The following WDR25 variants were observed in gnomAD, a reference collection of about 807,000 sequenced individuals.
The protein encoded by WDR25 is WD repeat-containing protein 25.
Under a neutral mutation model 47.7 loss-of-function variants are expected in WDR25, and 35 were observed. That is an observed-to-expected ratio of 0.73 (90% CI 0.56 to 0.97). The LOEUF (loss-of-function observed/expected upper bound fraction) is 0.97, where lower values mean the gene tolerates loss of function less well. WDR25 is among the 50% of genes least tolerant of loss of function. WDR25 has a pLI of 0.00. For synonymous variants in WDR25, 248 were observed against 278.9 expected, an observed-to-expected ratio of 0.89 and a Z score of 1.10; for missense variants, 634 against 704.7, an observed-to-expected ratio of 0.90 and a Z score of 1.14.
At chr14:100,526,191 G>A (rs528115805) in intron 5 of WDR25, 151 bp downstream of exon 5, 62 of 998,198 alleles carry the variant, frequency 6.2e-5, no homozygotes, top group African/African-American at 6.0e-4. Context: ...TCAGCCTGCC[G>A]CACACATGGA....
chr14:100,422,629 C>T lies in WDR25; in HGVS notation c.822+40883C>T, dbSNP rs73343585. Among the ~76,000 whole-genome samples the T allele has an allele frequency of 4.8e-3, 737 of 152,352 alleles. 10 individuals carry two copies. Among genetic ancestry groups the T allele is most frequent in the African/African-American group, 0.017 (689 of 41,590 alleles). ...GCCTTCATGATGGCCCTCTTTGACG[C>T]GACCACATGTTGCCAGCTTCCCCTC... On this transcript the variant is annotated intron_variant, in intron 2 of 6. Coordinates refer to ENST00000402312, the MANE Select transcript of WDR25 (RefSeq NM_001161476.3).
intron 2 of WDR25, among the ~76,000 whole-genome samples, chr14:100,452,475 G>C (rs563921856): frequency 6.6e-6 from 1 of 152,326 alleles, no homozygotes; most frequent in Non-Finnish European, 1.5e-5. Context: ...GCAGTGTTTA[G>C]ATCGTGTGGT....
In WDR25 at chr14:100,526,036, T is replaced by G; in HGVS notation, c.1268T>G (p.Phe423Cys). 6.2e-7 allele frequency: 1 copy of G among 1,614,066 alleles called. No individual in the cohort carries two copies. Among genetic ancestry groups the G allele is most frequent in the Non-Finnish European group, 8.5e-7 (1 of 1,179,962 alleles). Residue 423 changes from phenylalanine to cysteine, a missense_variant, in exon 5 of 7, where the codon TTC becomes TGC. Coordinates refer to ENST00000402312, the MANE Select transcript of WDR25 (RefSeq NM_001161476.3). ...TCTGCCAAAATCTCCAACCAGATTT[T>G]CCACGTAAGAAATCCCATTTGGCAT... ...RTSAKISNQI[F>C]HERFTCPSLA...
chr14:100,410,023 T>C (rs903619396), intron 2 of WDR25, among the ~76,000 whole-genome samples: 1 of 152,186 alleles, frequency 6.6e-6, no homozygotes, highest in African/African-American at 2.4e-5. Context: ...GTTTTAATTG[T>C]TTTCAGTAGC....
intron 2 of WDR25, among the ~76,000 whole-genome samples, chr14:100,452,237 C>T (rs1899059326): frequency 6.6e-6 from 1 of 152,184 alleles, no homozygotes; most frequent in Non-Finnish European, 1.5e-5. Context: ...TGCCGTCACT[C>T]ACTCAAGAGA....
chr14:100,446,297 G>A lies in WDR25; in HGVS notation c.823-21724G>A, dbSNP rs190425787. ...GGGCTGGTCGTGGTGGCTCATGCCT[G>A]TAATCCTAGCACTTTGGGAGGCCAA... is the stretch of plus-strand genomic sequence containing the variant. On this transcript the variant is annotated intron_variant, in intron 2 of 6. Transcript: ENST00000402312. 6.6e-5 allele frequency among the ~76,000 whole-genome samples: 10 copies of A among 152,316 alleles called. No homozygotes were observed. In the South Asian group the frequency reaches 1.0e-3, roughly 16 times the overall value.
At chr14:100,401,484 C>T (rs1193704942) in intron 2 of WDR25, among the ~76,000 whole-genome samples, 3 of 152,150 alleles carry the variant, frequency 2.0e-5, no homozygotes, top group Non-Finnish European at 4.4e-5. Flanking sequence ...TGCCCATGTC[C>T]CCAGGAGGCA....
In WDR25 at chr14:100,380,949, A is replaced by G; in HGVS notation, c.25A>G (p.Met9Val). The G allele has an allele frequency of 6.2e-7, 1 of 1,613,864 alleles. No homozygotes were observed. Among genetic ancestry groups the G allele is most frequent in the Non-Finnish European group, 8.5e-7 (1 of 1,179,766 alleles). Residue 9 changes from methionine (M) to valine (V), a missense_variant, in exon 2 of 7, where the codon ATG (methionine) becomes GTG (valine). Coordinates refer to ENST00000402312, the MANE Select transcript of WDR25 (RefSeq NM_001161476.3). ...AATGACAGCAAGAACTCTGTCTTTA[A>G]TGGCTTCATTGGTAGCGTATGATGA... MTARTLSL[M>V]ASLVAYDDSD...
chr14:100,397,191 C>T (rs1000909737), intron 2 of WDR25, among the ~76,000 whole-genome samples: 4 of 152,280 alleles, frequency 2.6e-5, no homozygotes, highest in South Asian at 4.1e-4. Context: ...TCCAGCAATG[C>T]TGTTGTCAAG....
intron 2 of WDR25, among the ~76,000 whole-genome samples, chr14:100,400,768 C>T (rs1019792441): frequency 6.6e-6 from 1 of 152,128 alleles, no homozygotes; most frequent in East Asian, 1.9e-4. Flanking sequence ...ATTGCCCTTT[C>T]AGTCGTGAAT....
At chr14:100,457,113 C>T (rs1251014254) in intron 2 of WDR25, among the ~76,000 whole-genome samples, 16 of 152,066 alleles carry the variant, frequency 1.1e-4, no homozygotes, top group African/African-American at 1.7e-4. Flanking sequence ...CCTGTCACCA[C>T]GCCTAGCTAA....
At chr14:100,416,289 T>C (rs1025665499) in intron 2 of WDR25, among the ~76,000 whole-genome samples, 1 of 152,236 alleles carries the variant, frequency 6.6e-6, no homozygotes. Flanking sequence ...TAATCGTAGA[T>C]GCCCAAATTG....
Position 100,387,333 on chromosome 14 carries a change from C to T in WDR25, c.822+5587C>T, listed in dbSNP as rs368578924. ...AATCTTTTCATTGTCTCTATGCACACGTTTTTAAAGCGTTTCAATCTCAGT... is the reference window on the plus strand; with the variant it reads ...AATCTTTTCATTGTCTCTATGCACATGTTTTTAAAGCGTTTCAATCTCAGT... On this transcript the variant is annotated intron_variant, in intron 2 of 6. Coordinates refer to ENST00000402312, the MANE Select transcript of WDR25 (RefSeq NM_001161476.3). 2.6e-5 allele frequency among the ~76,000 whole-genome samples: 4 copies of T among 152,176 alleles called. No homozygotes were observed. In the South Asian group the frequency reaches 8.3e-4, roughly 32 times the overall value.
Position 100,407,449 on chromosome 14 carries a change from TTC to T in WDR25, c.822+25705_822+25706del. 6.6e-6 allele frequency: 1 copy of T among 152,452 alleles called. No homozygotes were observed. The highest frequency in any genetic ancestry group is 1.9e-4 in the East Asian group (1 of 5,186). 9.4% of individuals were successfully genotyped at this position (152,452 alleles called of 1,614,324 possible). ...TGGCTGAAGCTAAGTGAGGCCAGCC[TTC>T]TGGGTGTTGGGTATCAGGTTCTGGA... is the stretch of plus-strand genomic sequence containing the variant. On this transcript the variant is annotated intron_variant, in intron 2 of 6. Coordinates refer to ENST00000402312, the MANE Select transcript of WDR25 (RefSeq NM_001161476.3). The surrounding 1 kb of genome is among the most constrained non-coding windows in gnomAD (Gnocchi z 4.1).
At chr14:100,439,576 A>G (rs1898606165) in intron 2 of WDR25, among the ~76,000 whole-genome samples, 1 of 152,182 alleles carries the variant, frequency 6.6e-6, no homozygotes, top group Admixed American at 6.5e-5. Context: ...CTGCTGAAAA[A>G]GCGTCACCTG....
rs1049563486 is a variant in WDR25 at position 100,424,939 on chromosome 14, C to T, written c.823-43082C>T. Among the ~76,000 whole-genome samples, 12 of 152,174 alleles carry T rather than the reference C, an allele frequency of 7.9e-5. No individual in the cohort carries two copies. On this transcript the variant is annotated intron_variant, in intron 2 of 6. Transcript: ENST00000402312. The surrounding 1 kb of genome is among the most constrained non-coding windows in gnomAD (Gnocchi z 4.2). Reference sequence around the variant, plus strand: ...ATATCCCACTTCCTGCTTGGTGGCTCAGGCCTGTCAGTCACACAGCTCGTG... The same window carrying T: ...ATATCCCACTTCCTGCTTGGTGGCTTAGGCCTGTCAGTCACACAGCTCGTG...
At position 100,497,900 on chromosome 14, in the gene WDR25, G is replaced by A. The variant is rs923070286; in HGVS notation, c.1101+13776G>A. On this transcript the variant is annotated intron_variant, in intron 4 of 6. Transcript: ENST00000402312. ...CCCTGGTTGTCCCCCGGTGGGATGC[G>A]AGCCCTGTGAGGGCTGGGAGACATG... Among the ~76,000 whole-genome samples the A allele has an allele frequency of 1.6e-4, 24 of 152,090 alleles. 1 individual carries two copies. The highest frequency in any genetic ancestry group is 1.2e-3 in the Admixed American group (19 of 15,274).
At chr14:100,385,740 C>T (rs1302633983) in intron 2 of WDR25, among the ~76,000 whole-genome samples, 4 of 152,160 alleles carry the variant, frequency 2.6e-5, no homozygotes, top group African/African-American at 4.8e-5. Flanking sequence ...TAGCTGTGAT[C>T]CCAGCACGGA....
chr14:100,496,888 T>G (rs1595147632), intron 4 of WDR25, among the ~76,000 whole-genome samples: 2 of 129,428 alleles, frequency 1.5e-5, no homozygotes, highest in Admixed American at 2.0e-4. Flanking sequence ...TAGGCTGGAG[T>G]GTAGTGGTAT....
Sources: allele counts gnomAD v4.1 joint callset (sites outside exome capture counted in the v4.1 genomes callset), GRCh38; gene constraint gnomAD v4.1.1; non-coding constraint Gnocchi (gnomAD v3.1); transcripts MANE v1.5; gene names NCBI Gene and HGNC (gene_info 2026-07-23, HGNC 2026-07-21).